Variants in SLC43A2 observed in about 807,000 individuals in gnomAD.
The protein encoded by SLC43A2 is solute carrier family 43 member 2.
In SLC43A2, 38 loss-of-function variants were observed where a neutral mutation model predicts 63.2. That is an observed-to-expected ratio of 0.60 (90% confidence interval 0.46 to 0.79). The LOEUF is 0.79. Ranked by LOEUF, SLC43A2 falls within the 30% of genes least tolerant of loss-of-function variation. The pLI is 0.00. For synonymous variants in SLC43A2, 322 were observed against 331.0 expected (o/e 0.97, Z 0.30); for missense variants, 644 against 756.2 (o/e 0.85, Z 1.74).
chr17:1,617,064 G>C (rs575935618), intron 2 of SLC43A2, among the ~76,000 whole-genome samples: 1 of 152,350 alleles, frequency 6.6e-6, no homozygotes, highest in South Asian at 2.1e-4. Flanking sequence ...CAGGAGCTTT[G>C]TGTGTCCCTT....
Position 1,605,386 on chromosome 17 carries a change from G to GCA in SLC43A2, c.501+7808_501+7809insTG. 4.0e-6 allele frequency: 1 copy of GCA among 252,434 alleles called. No individual in the cohort carries two copies. The highest frequency in any genetic ancestry group is 6.4e-6 in the Non-Finnish European group (1 of 156,306). The allele number at this position is 252,434 out of a possible 1,614,324, so 15.6% of individuals were successfully genotyped here. ...GGAGTGCCTGCAGGGCCAAGGCCCT[G>GCA]GGACAGTGCGGGCGCGGGAGCTTCT... On this transcript the variant is annotated intron_variant, in intron 5 of 13. Transcript: ENST00000301335. The surrounding 1 kb of genome is among the most constrained non-coding windows in gnomAD (Gnocchi z 4.9).
In SLC43A2 at chr17:1,583,509, G is replaced by T; in HGVS notation, c.1218-173C>A. On this transcript the variant is annotated intron_variant, in intron 10 of 13. Coordinates refer to ENST00000301335, the MANE Select transcript of SLC43A2 (RefSeq NM_152346.3). This position sits in a 1 kb window ranked among gnomAD's most constrained non-coding sequence, Gnocchi z 5.5. ...TGGACCAGCACTACGGACACTCCCC[G>T]GCCCTTCTCAGTGGCAAGCTGAGTG... is the stretch of plus-strand genomic sequence containing the variant. The T allele has an allele frequency of 8.6e-7, 1 of 1,157,938 alleles. No individual in the cohort carries two copies. Among genetic ancestry groups the T allele is most frequent in the Non-Finnish European group, 1.2e-6 (1 of 849,672 alleles). The allele number at this position is 1,157,938 out of a possible 1,614,324, so 71.7% of individuals were successfully genotyped here.
At chr17:1,590,572 A>G (rs2151043537) in intron 9 of SLC43A2, among the ~76,000 whole-genome samples, 1 of 152,186 alleles carries the variant, frequency 6.6e-6, no homozygotes, top group South Asian at 2.1e-4. Context: ...CACACCCAGG[A>G]GGCTATTTTG....
At chr17:1,586,928 T>TGGCCCCCCCCCCCCCCGCCCCCCCGG in intron 9 of SLC43A2, 1 of 1,232,916 alleles carries the variant, frequency 8.1e-7, no homozygotes, top group Non-Finnish European at 1.1e-6. Flanking sequence ...TCCCTGACAA[T>TGGCCCCCCCCCCCCCCGCCCCCCCGG]CCCCCCCACC....
At chr17:1,608,340 C>G (rs1906798377) in intron 5 of SLC43A2, among the ~76,000 whole-genome samples, 1 of 152,046 alleles carries the variant, frequency 6.6e-6, no homozygotes, top group Non-Finnish European at 1.5e-5. Context: ...AGCTTTTTGC[C>G]TCCAGTGGGA....
chr17:1,591,739 G>GGGGGGGGGGCC, intron 6 of SLC43A2, 40 bp from the exon 7 acceptor site: 3 of 512,302 alleles, frequency 5.9e-6, no homozygotes, highest in East Asian at 4.1e-5. Flanking sequence ...GGGGGAGGGG[G>GGGGGGGGGGCC]CAGAGTTAGC....
upstream of SLC43A2, among the ~76,000 whole-genome samples, chr17:1,629,259 C>T (rs908058793): frequency 6.6e-6 from 1 of 152,010 alleles, no homozygotes; most frequent in Non-Finnish European, 1.5e-5. Context: ...GCCCCCTGCG[C>T]GCGGGTCACC....
intron 5 of SLC43A2, among the ~76,000 whole-genome samples, chr17:1,596,210 C>A (rs150939905): frequency 6.6e-6 from 1 of 152,168 alleles, no homozygotes; most frequent in African/African-American, 2.4e-5. Flanking sequence ...ATCCCAGCTA[C>A]TCGGGAGGCT....
chr17:1,613,327 C>T (rs1361996992), intron 4 of SLC43A2, 56 bp from the exon 5 acceptor site: 4 of 1,548,046 alleles, frequency 2.6e-6, no homozygotes, highest in Middle Eastern at 1.8e-4. Flanking sequence ...CCAGGGAAGC[C>T]GGGACCAGCC....
chr17:1,628,117 T>C (rs1908859445), intron 1 of SLC43A2, 197 bp from the exon 2 acceptor site: 2 of 394,864 alleles, frequency 5.1e-6, no homozygotes, highest in Non-Finnish European at 8.2e-6. Context: ...CTCGTACCGC[T>C]GCCCTCCGCT....
In SLC43A2 at chr17:1,578,379, C is replaced by T; in HGVS notation, c.1351-56G>A. 1.3e-6 allele frequency: 2 copies of T among 1,541,336 alleles called. No individual in the cohort carries two copies. The highest frequency in any genetic ancestry group is 1.4e-5 in the African/African-American group (1 of 73,566). The stretch of plus-strand genomic sequence containing the variant: ...AGGCCTTAAGGGACCGTCCCCTCAG[C>T]CCCCGCCCTCCAATTCCTGGGGGCC... On this transcript the variant is annotated intron_variant, in intron 11 of 13. Coordinates refer to ENST00000301335, the MANE Select transcript of SLC43A2 (RefSeq NM_152346.3). The surrounding 1 kb of genome is among the most constrained non-coding windows in gnomAD (Gnocchi z 6.5).
At chr17:1,599,729 T>C (rs1433726535) in intron 5 of SLC43A2, among the ~76,000 whole-genome samples, 1 of 149,028 alleles carries the variant, frequency 6.7e-6, no homozygotes, top group Admixed American at 6.7e-5. Flanking sequence ...TACTAATGAC[T>C]TTCAACATTT....
In SLC43A2 at chr17:1,606,617, C is replaced by T. The variant is rs372735785; in HGVS notation, c.501+6578G>A. Among the ~76,000 whole-genome samples, 9 of 152,304 alleles carry T rather than the reference C, an allele frequency of 5.9e-5. No homozygotes were observed. Among genetic ancestry groups the T allele is most frequent in the South Asian group, 2.1e-4 (1 of 4,830 alleles). On this transcript the variant is annotated intron_variant, in intron 5 of 13. Transcript: ENST00000301335. The surrounding 1 kb of genome is among the most constrained non-coding windows in gnomAD (Gnocchi z 4.7). Reference sequence around the variant, plus strand: ...GTTGGAGGGTGGCGACCCCAAGATGCGGCCTCAGCCGCCGGCCGTGTTTGT... The same window carrying T: ...GTTGGAGGGTGGCGACCCCAAGATGTGGCCTCAGCCGCCGGCCGTGTTTGT...
rs2075850150 is a variant in SLC43A2 at position 1,571,775 on chromosome 17, T to G, written c.*3829A>C. On this transcript the variant is annotated 3_prime_UTR_variant, in exon 14 of 14. Transcript: ENST00000301335. This position sits in a 1 kb window ranked among gnomAD's most constrained non-coding sequence, Gnocchi z 5.2. ...TTGGCCCCGGTGAGGGGTGGGACCT[T>G]GTGTATAGGTCCAGGCAGCAGCAGC... 1 of 151,934 alleles carries G rather than the reference T, an allele frequency of 6.6e-6. No individual in the cohort carries two copies. Among genetic ancestry groups the G allele is most frequent in the Non-Finnish European group, 1.5e-5 (1 of 68,024 alleles). The allele number at this position is 151,934 out of a possible 1,614,324, so 9.4% of individuals were successfully genotyped here. A position where few individuals can be genotyped will look rare whatever the true frequency, so the allele number is the denominator to read the frequency against.
In SLC43A2 at chr17:1,621,513, C is replaced by T. The variant is rs530346962; in HGVS notation, c.161-4744G>A. Among the ~76,000 whole-genome samples, 3 of 152,268 alleles carry T rather than the reference C, an allele frequency of 2.0e-5. No homozygotes were observed. The East Asian group carries it at 5.8e-4, about 29-fold the overall frequency. On this transcript the variant is annotated intron_variant, in intron 2 of 13. Transcript: ENST00000301335. ...GGCAGGGGAGATGTAGGTGAGAGGT[C>T]GGCTCAGACACAGAGCAAACAACAG...
chr17:1,620,774 CCAAA>C (rs1212171081), intron 2 of SLC43A2, among the ~76,000 whole-genome samples: 2 of 152,056 alleles, frequency 1.3e-5, no homozygotes, highest in African/African-American at 4.8e-5. Context: ...CAGCAGATGC[CCAAA>C]CAGACACACC....
chr17:1,623,218 G>A (rs1598498299), intron 2 of SLC43A2, among the ~76,000 whole-genome samples: 1 of 152,344 alleles, frequency 6.6e-6, no homozygotes, highest in Non-Finnish European at 1.5e-5. Flanking sequence ...GCTTCCCCAA[G>A]GTGGGCGGCA....
chr17:1,588,330 G>C (rs560111986), intron 9 of SLC43A2, among the ~76,000 whole-genome samples: 1 of 151,862 alleles, frequency 6.6e-6, no homozygotes, highest in East Asian at 1.9e-4. Flanking sequence ...AGGTTGCAGT[G>C]AGCCGAGCTC....
chr17:1,601,411 G>A (rs971379432), intron 5 of SLC43A2, among the ~76,000 whole-genome samples: 10 of 152,010 alleles, frequency 6.6e-5, no homozygotes, highest in African/African-American at 1.7e-4. Flanking sequence ...CTACACCACC[G>A]AACAGAGCCC....
Sources: gnomAD v4.1 joint callset for allele counts (sites outside exome capture counted in the v4.1 genomes callset) on GRCh38, gnomAD v4.1.1 for gene constraint, Gnocchi (gnomAD v3.1) non-coding constraint, MANE v1.5 for transcripts, NCBI Gene and HGNC (gene_info 2026-07-23, HGNC 2026-07-21) for gene names.